USP7: variants seen among roughly 807,000 people sequenced by gnomAD.
The protein encoded by USP7 is ubiquitin specific peptidase 7.
A neutral mutation model predicts 162.9 loss-of-function variants in USP7; 9 were observed. That is an observed-to-expected ratio of 0.06 (90% CI 0.03 to 0.10). The LOEUF (loss-of-function observed/expected upper bound fraction) is 0.10, where lower values mean the gene tolerates loss of function less well. Among genes scored for constraint, USP7 ranks in the 10% least tolerant of loss-of-function variants. USP7 has a pLI of 1.00. For missense variants in USP7, 715 were observed against 1,373.7 expected (o/e 0.52, Z 7.58); for synonymous variants, 562 against 475.9 (o/e 1.18, Z -2.35).
At chr16:8,910,265 C>T (rs1363853115) in intron 11 of USP7, among the ~76,000 whole-genome samples, 4 of 152,214 alleles carry the variant, frequency 2.6e-5, no homozygotes, top group Admixed American at 2.6e-4. Flanking sequence ...GCCCACCATG[C>T]TCACTGCTCT....
In USP7 at chr16:8,920,309, C is replaced by T. The variant is rs569249978; in HGVS notation, c.611+50G>A. 4.0e-6 allele frequency: 6 copies of T among 1,507,836 alleles called. No individual in the cohort carries two copies. The African/African-American group carries it at 7.0e-5, about 18-fold the overall frequency. 93.4% of individuals were successfully genotyped at this position (1,507,836 alleles called of 1,614,324 possible). ...TACATGCACGCTAAAGCTTCTTTCA[C>T]TGCAGCACAAAAGACATTTTTAACA... On this transcript the variant is annotated intron_variant, in intron 5 of 30. Coordinates refer to ENST00000344836, the MANE Select transcript of USP7 (RefSeq NM_003470.3).
At chr16:8,924,823 G>A (rs929115785) in intron 2 of USP7, among the ~76,000 whole-genome samples, 1 of 152,174 alleles carries the variant, frequency 6.6e-6, no homozygotes, top group Non-Finnish European at 1.5e-5. Flanking sequence ...CCTTCTTTGA[G>A]ACACTCTTCA....
chr16:8,933,720 G>C (rs905757893), intron 1 of USP7, among the ~76,000 whole-genome samples: 17 of 151,442 alleles, frequency 1.1e-4, no homozygotes, highest in African/African-American at 3.4e-4. Context: ...AAAATGCTGG[G>C]ATTACAGGCA....
intron 1 of USP7, among the ~76,000 whole-genome samples, chr16:8,942,226 C>G (rs1482915857): frequency 2.0e-5 from 3 of 152,250 alleles, no homozygotes; most frequent in Non-Finnish European, 4.4e-5. Context: ...ACCCAATGAA[C>G]AGGAAGCCAT....
At chr16:8,933,484 T>C (rs960783719) in intron 1 of USP7, among the ~76,000 whole-genome samples, 2 of 152,228 alleles carry the variant, frequency 1.3e-5, no homozygotes, top group African/African-American at 4.8e-5. Context: ...TAATTTCATA[T>C]TCCCTTTACA....
chr16:8,925,387 G>A (rs927454898), intron 2 of USP7, among the ~76,000 whole-genome samples: 3 of 152,160 alleles, frequency 2.0e-5, no homozygotes, highest in Admixed American at 6.5e-5. Flanking sequence ...GAAAATCACT[G>A]CAGGACCTAA....
rs1335207357 is a variant in USP7 at position 8,892,147 on chromosome 16, T to C, written c.*1851A>G. 1 of 152,144 alleles carries C rather than the reference T, an allele frequency of 6.6e-6. No homozygotes were observed. The highest frequency in any genetic ancestry group is 2.1e-4 in the South Asian group (1 of 4,824). 9.4% of individuals were successfully genotyped at this position (152,144 alleles called of 1,614,324 possible). On this transcript the variant is annotated 3_prime_UTR_variant, in exon 31 of 31. Transcript: ENST00000344836. ...TTAAGGGAGAGTAGGAACTTTCAGT[T>C]ACCTAAGACTACAGCCAACCCCCAG...
At chr16:8,952,407 G>A (rs1228502304) in intron 1 of USP7, among the ~76,000 whole-genome samples, 2 of 152,212 alleles carry the variant, frequency 1.3e-5, no homozygotes, top group East Asian at 3.8e-4. Context: ...CAGCTCTGAA[G>A]GTCAGAAGTC....
intron 1 of USP7, chr16:8,935,843 C>T (rs1460979506): frequency 6.6e-6 from 1 of 152,182 alleles, no homozygotes; most frequent in Non-Finnish European, 1.5e-5. Context: ...GCTTTCCTCC[C>T]CGTGAATTCC....
rs551580972 is a variant in USP7 at position 8,893,838 on chromosome 16, T to A, written c.*160A>T. 7.8e-5 allele frequency: 50 copies of A among 641,838 alleles called. No individual in the cohort carries two copies. In the African/African-American group the frequency reaches 8.6e-4, roughly 11 times the overall value. The allele number at this position is 641,838 out of a possible 1,614,324, so 39.8% of individuals were successfully genotyped here. A position where few individuals can be genotyped will look rare whatever the true frequency, so the allele number is the denominator to read the frequency against. On this transcript the variant is annotated 3_prime_UTR_variant, in exon 31 of 31. Coordinates refer to ENST00000344836, the MANE Select transcript of USP7 (RefSeq NM_003470.3). ...TTGCTCAAAAAGGGCAGTCAATAGA[T>A]ACAGAGAAGCCAAACTGAACAGCCT... is the stretch of plus-strand genomic sequence containing the variant.
chr16:8,912,242 AG>A (rs2141193793), intron 10 of USP7, among the ~76,000 whole-genome samples: 1 of 152,254 alleles, frequency 6.6e-6, no homozygotes, highest in African/African-American at 2.4e-5. Context: ...GCCTGAGGTC[AG>A]GAGTTCCAGA....
Position 8,898,653 on chromosome 16 carries a change from C to G in USP7, c.2532-14G>C. 1 of 1,551,056 alleles carries G rather than the reference C, an allele frequency of 6.4e-7. No individual in the cohort carries two copies. ...CCATCCCTATAACTACACAAGAAAA[C>G]AGCATATAAATAAATGACTTGTTTA... On this transcript the variant is annotated splice_polypyrimidine_tract_variant and intron_variant, in intron 23 of 30. Transcript: ENST00000344836.
chr16:8,897,726 AAT>A (rs1555461672), intron 25 of USP7, among the ~76,000 whole-genome samples: 17 of 7,138 alleles, frequency 2.4e-3, no homozygotes, highest in South Asian at 0.023. Flanking sequence ...AAAAAAAAAA[AAT>A]ATATATATAT....
chr16:8,920,531 C>G, intron 4 of USP7, 84 bp from the exon 5 acceptor site: 2 of 1,055,342 alleles, frequency 1.9e-6, no homozygotes, highest in Non-Finnish European at 2.7e-6. Flanking sequence ...GTGCCCTGTA[C>G]TTAATAGAGA....
chr16:8,897,722 A>ATACATATATATATATAT (rs71155415), intron 25 of USP7, among the ~76,000 whole-genome samples: 113 of 21,620 alleles, frequency 5.2e-3, no homozygotes, highest in Admixed American at 0.014. Flanking sequence ...AAAAAAAAAA[A>ATACATATATATATATAT]AAAAATATAT....
chr16:8,955,662 C>A (rs1464153798), intron 1 of USP7, among the ~76,000 whole-genome samples: 1 of 147,026 alleles, frequency 6.8e-6, no homozygotes, highest in African/African-American at 2.5e-5. Context: ...GCCGAGATCA[C>A]ACCACTGCAC....
chr16:8,924,423 G>A (rs1897880165), intron 2 of USP7, among the ~76,000 whole-genome samples: 1 of 152,242 alleles, frequency 6.6e-6, no homozygotes, highest in Admixed American at 6.5e-5. Flanking sequence ...CTCACTGACT[G>A]GCAGGAGTCC....
At chr16:8,957,495 G>A (rs535334479) in intron 1 of USP7, among the ~76,000 whole-genome samples, 1 of 151,882 alleles carries the variant, frequency 6.6e-6, no homozygotes, top group Non-Finnish European at 1.5e-5. Context: ...TATAATCCCA[G>A]TGCTTTGAGA....
At chr16:8,948,702 T>C (rs1389593319) in intron 1 of USP7, among the ~76,000 whole-genome samples, 1 of 152,076 alleles carries the variant, frequency 6.6e-6, no homozygotes, top group Non-Finnish European at 1.5e-5. Context: ...TTGAGGATAT[T>C]AAGCTAAGTA....
Sources: gnomAD v4.1 joint callset for allele counts (sites outside exome capture counted in the v4.1 genomes callset) on GRCh38, gnomAD v4.1.1 for gene constraint, MANE v1.5 for transcripts, NCBI Gene and HGNC (gene_info 2026-07-23, HGNC 2026-07-21) for gene names.